The following CLSTN2 variants were observed in gnomAD, a reference collection of about 807,000 sequenced individuals.
The protein encoded by CLSTN2 is calsyntenin-2.
CLSTN2 carries 48 observed loss-of-function variants against 101.2 expected under a neutral mutation model. That is an observed-to-expected ratio of 0.47 (90% CI 0.38 to 0.60). The LOEUF (loss-of-function observed/expected upper bound fraction) is 0.60, where lower values mean the gene tolerates loss of function less well. Among genes scored for constraint, CLSTN2 ranks in the 20% least tolerant of loss-of-function variants. The probability of loss-of-function intolerance (pLI) is 0.00; values close to 1 mark genes in which losing one functional copy is unlikely to be tolerated. For missense variants in CLSTN2, 1,160 were observed against 1,238.2 expected (o/e 0.94, Z 0.95); for synonymous variants, 481 against 463.6 (o/e 1.04, Z -0.48).
chr3:140,485,969 CA>C (rs58765944), intron 8 of CLSTN2, among the ~76,000 whole-genome samples: 26,112 of 151,958 alleles, frequency 0.17, 2,661 homozygotes, highest in East Asian at 0.43. Flanking sequence ...CACTGTCCGA[CA>C]ACCCCCCAGT....
chr3:140,011,318 A>C (rs552687255), intron 1 of CLSTN2, among the ~76,000 whole-genome samples: 9 of 152,180 alleles, frequency 5.9e-5, no homozygotes, highest in Non-Finnish European at 1.2e-4. Flanking sequence ...GTCTTGCTTT[A>C]GGAAGTGGTC....
At chr3:140,529,440 G>C (rs895911133) in intron 8 of CLSTN2, among the ~76,000 whole-genome samples, 1 of 152,120 alleles carries the variant, frequency 6.6e-6, no homozygotes, top group Admixed American at 6.5e-5. Flanking sequence ...TGAACAGTCG[G>C]GAATTGAAGT....
At chr3:140,005,733 G>C (rs1052568797) in intron 1 of CLSTN2, among the ~76,000 whole-genome samples, 5 of 152,162 alleles carry the variant, frequency 3.3e-5, no homozygotes, top group African/African-American at 1.2e-4. Context: ...GAAGTCTGAT[G>C]TGAAAAAAAT....
intron 1 of CLSTN2, among the ~76,000 whole-genome samples, chr3:139,985,982 G>T (rs1424452308): frequency 6.6e-6 from 1 of 152,122 alleles, no homozygotes; most frequent in Non-Finnish European, 1.5e-5. Context: ...CACTCGACAT[G>T]GCAGACTCAA....
chr3:140,102,920 C>T (rs1560095416), intron 1 of CLSTN2, among the ~76,000 whole-genome samples: 1 of 152,028 alleles, frequency 6.6e-6, no homozygotes, highest in Non-Finnish European at 1.5e-5. Flanking sequence ...CCCTTCTGAC[C>T]CTCAGTTTTC....
At chr3:140,496,801 C>T (rs953613183) in intron 8 of CLSTN2, among the ~76,000 whole-genome samples, 1 of 151,984 alleles carries the variant, frequency 6.6e-6, no homozygotes, top group African/African-American at 2.4e-5. Context: ...GGATCACGGA[C>T]CTACTTAAAC....
At chr3:140,451,050 A>G (rs1380383134) in intron 6 of CLSTN2, among the ~76,000 whole-genome samples, 1 of 152,178 alleles carries the variant, frequency 6.6e-6, no homozygotes, top group Non-Finnish European at 1.5e-5. Context: ...ATCTAAGATG[A>G]CATCTTACTT....
At chr3:139,937,205 C>T (rs1349318015) in intron 1 of CLSTN2, among the ~76,000 whole-genome samples, 1 of 151,972 alleles carries the variant, frequency 6.6e-6, no homozygotes, top group Non-Finnish European at 1.5e-5. Flanking sequence ...AAGCACACAG[C>T]AAGTGCAGAA....
Position 140,131,428 on chromosome 3 carries a change from G to A in CLSTN2, c.110-44523G>A, listed in dbSNP as rs999065796. ...CTTTCTTCTGAAATACAAATTATGC[G>A]TGTGTTGAACATTTGCAATCTTCTG... On this transcript the variant is annotated intron_variant, in intron 1 of 16. Coordinates refer to ENST00000458420, the MANE Select transcript of CLSTN2 (RefSeq NM_022131.3). Among the ~76,000 whole-genome samples, 18 of 151,866 alleles carry A rather than the reference G, an allele frequency of 1.2e-4. No individual in the cohort carries two copies. In the South Asian group the frequency reaches 1.2e-3, roughly 11 times the overall value.
intron 2 of CLSTN2, among the ~76,000 whole-genome samples, chr3:140,294,889 G>A (rs1245097384): frequency 6.6e-6 from 1 of 152,102 alleles, no homozygotes; most frequent in African/African-American, 2.4e-5. Flanking sequence ...TCTTTCATGG[G>A]GAGAAGGGGG....
At chr3:140,006,678 CTATGA>C (rs2107749624) in intron 1 of CLSTN2, among the ~76,000 whole-genome samples, 1 of 152,318 alleles carries the variant, frequency 6.6e-6, no homozygotes, top group East Asian at 1.9e-4. Context: ...GTGATATTTG[CTATGA>C]CATTTACTTT....
rs200512005 is a variant in CLSTN2 at position 140,427,231 on chromosome 3, A to G, written c.787+5957A>G. On this transcript the variant is annotated intron_variant, in intron 5 of 16. Coordinates refer to ENST00000458420, the MANE Select transcript of CLSTN2 (RefSeq NM_022131.3). ...TGTATATATATATATATATGTGTGT[A>G]TATATATATATATACATATATATAT... 8.6e-4 allele frequency among the ~76,000 whole-genome samples: 88 copies of G among 102,218 alleles called. 2 individuals carry two copies. In the South Asian group the frequency reaches 0.012, roughly 14 times the overall value. The allele number at this position is 102,218 out of a possible 152,430, so 67.1% of individuals were successfully genotyped here. A position where few individuals can be genotyped will look rare whatever the true frequency, so the allele number is the denominator to read the frequency against.
chr3:140,198,346 T>C (rs1048909310), intron 2 of CLSTN2, among the ~76,000 whole-genome samples: 4 of 152,178 alleles, frequency 2.6e-5, no homozygotes, highest in Non-Finnish European at 4.4e-5. Context: ...ATAATACCCA[T>C]TTGTTATCTC....
intron 2 of CLSTN2, among the ~76,000 whole-genome samples, chr3:140,342,086 A>G (rs1375614139): frequency 6.6e-6 from 1 of 152,218 alleles, no homozygotes; most frequent in East Asian, 1.9e-4. Context: ...TTCCTGGCCC[A>G]GGTAGCATTC....
chr3:140,500,286 T>C (rs1934551474), intron 8 of CLSTN2, among the ~76,000 whole-genome samples: 1 of 152,098 alleles, frequency 6.6e-6, no homozygotes, highest in Non-Finnish European at 1.5e-5. Flanking sequence ...GCAGCCTTAT[T>C]GGCAATTGTT....
intron 2 of CLSTN2, among the ~76,000 whole-genome samples, chr3:140,396,231 G>A (rs1279055086): frequency 6.6e-6 from 1 of 152,094 alleles, no homozygotes; most frequent in Non-Finnish European, 1.5e-5. Context: ...AGCAGTGCTG[G>A]CCCTCGATGA....
intron 1 of CLSTN2, among the ~76,000 whole-genome samples, chr3:140,103,989 T>C (rs1243279809): frequency 1.3e-5 from 2 of 152,220 alleles, no homozygotes; most frequent in Non-Finnish European, 2.9e-5. Flanking sequence ...CTGTGAAAGC[T>C]GATTAGAACG....
chr3:140,243,576 T>C (rs1181596687), intron 2 of CLSTN2, among the ~76,000 whole-genome samples: 1 of 152,146 alleles, frequency 6.6e-6, no homozygotes, highest in Non-Finnish European at 1.5e-5. Context: ...TGTCCATACA[T>C]AGTGAAAGTG....
At chr3:140,116,789 T>C (rs186093141) in intron 1 of CLSTN2, among the ~76,000 whole-genome samples, 4 of 152,224 alleles carry the variant, frequency 2.6e-5, no homozygotes, top group African/African-American at 9.6e-5. Context: ...AGAGCCTGAG[T>C]TGGTATGCTT....
Sources: gnomAD v4.1 joint callset for allele counts (sites outside exome capture counted in the v4.1 genomes callset) on GRCh38, gnomAD v4.1.1 for gene constraint, MANE v1.5 for transcripts, NCBI Gene and HGNC (gene_info 2026-07-23, HGNC 2026-07-21) for gene names.